Variants in WWP1 observed in about 807,000 individuals in gnomAD.
WWP1 encodes the protein WW domain containing E3 ubiquitin protein ligase 1, also known as NEDD4-like E3 ubiquitin-protein ligase WWP1.
In WWP1, 49 loss-of-function variants were observed where a neutral mutation model predicts 130.6. The ratio of observed to expected loss-of-function variants is 0.38; its 90% confidence interval spans 0.30 to 0.48. The LOEUF (loss-of-function observed/expected upper bound fraction) is 0.48, where lower values mean the gene tolerates loss of function less well. Ranked by LOEUF, WWP1 falls within the 20% of genes least tolerant of loss-of-function variation. The probability of loss-of-function intolerance (pLI) is 0.99; values close to 1 mark genes in which losing one functional copy is unlikely to be tolerated. For missense variants in WWP1, 809 were observed against 1,100.6 expected (o/e 0.74, Z 3.75); for synonymous variants, 332 against 367.8 (o/e 0.90, Z 1.11).
chr8:86,392,134 T>C (rs1444826068), intron 5 of WWP1, among the ~76,000 whole-genome samples: 14 of 152,148 alleles, frequency 9.2e-5, no homozygotes, highest in Non-Finnish European at 8.8e-5. Flanking sequence ...TCTTTTAGTG[T>C]GTGTGCAATG....
intron 18 of WWP1, among the ~76,000 whole-genome samples, chr8:86,447,119 C>A (rs979114158): frequency 6.6e-6 from 1 of 152,146 alleles, no homozygotes; most frequent in Non-Finnish European, 1.5e-5. Flanking sequence ...ATACAACTGT[C>A]GGTCATAGAG....
intron 3 of WWP1, among the ~76,000 whole-genome samples, chr8:86,380,159 G>T (rs1352633464): frequency 6.6e-6 from 1 of 152,100 alleles, no homozygotes; most frequent in Non-Finnish European, 1.5e-5. Flanking sequence ...TAATAGAATG[G>T]TATTTGGCAA....
At chr8:86,419,566 T>G (rs1052151425) in intron 9 of WWP1, among the ~76,000 whole-genome samples, 2 of 152,184 alleles carry the variant, frequency 1.3e-5, no homozygotes, top group African/African-American at 2.4e-5. Flanking sequence ...GAAATTTGAC[T>G]GATAAAGGTA....
chr8:86,412,329 A>T (rs1036319868), intron 9 of WWP1, among the ~76,000 whole-genome samples: 1 of 152,192 alleles, frequency 6.6e-6, no homozygotes, highest in Non-Finnish European at 1.5e-5. Flanking sequence ...GCAGTTTTTC[A>T]TTGCTGGTTA....
At chr8:86,465,567 A>C (rs571315335) in intron 24 of WWP1, among the ~76,000 whole-genome samples, 1 of 152,248 alleles carries the variant, frequency 6.6e-6, no homozygotes, top group South Asian at 2.1e-4. Context: ...TGGGAGGTCG[A>C]GGTCGCAGTG....
chr8:86,459,997 T>G (rs180730425), intron 22 of WWP1, among the ~76,000 whole-genome samples: 4 of 152,384 alleles, frequency 2.6e-5, no homozygotes, highest in Admixed American at 2.6e-4. Flanking sequence ...CTATTTTGTC[T>G]TATCCTTAGC....
intron 5 of WWP1, among the ~76,000 whole-genome samples, chr8:86,396,576 T>TC (rs1807681994): frequency 6.6e-6 from 1 of 151,826 alleles, no homozygotes. Context: ...TTTTTTTTTT[T>TC]TTTTGCAAAG....
At chr8:86,378,396 CTTAAGT>C (rs1824792262) in intron 3 of WWP1, among the ~76,000 whole-genome samples, 1 of 151,682 alleles carries the variant, frequency 6.6e-6, no homozygotes, top group African/African-American at 2.4e-5. Context: ...TTACTTATTT[CTTAAGT>C]TTATTACTAG....
intron 3 of WWP1, among the ~76,000 whole-genome samples, chr8:86,377,233 A>T (rs989906820): frequency 6.7e-6 from 1 of 149,832 alleles, no homozygotes; most frequent in African/African-American, 2.5e-5. Context: ...TTACAGGTGC[A>T]TGCCAGCATT....
At chr8:86,413,453 A>G (rs1159558969) in intron 9 of WWP1, among the ~76,000 whole-genome samples, 1 of 152,200 alleles carries the variant, frequency 6.6e-6, no homozygotes, top group Non-Finnish European at 1.5e-5. Flanking sequence ...TGCCAGAGGT[A>G]AGTTTAGGAT....
In WWP1 at chr8:86,448,413, T is replaced by C. The variant is rs754375920; in HGVS notation, c.2173T>C (p.Ser725Pro). Residue 725 changes from serine (S) to proline (P), a missense_variant, in exon 20 of 25, where the codon TCT becomes CCT. This residue lies in a region of WWP1 where 450 missense variants were observed against 674.2 expected (regional missense o/e 0.67). Coordinates refer to ENST00000517970, the MANE Select transcript of WWP1 (RefSeq NM_007013.4). ...AGAATGTGGCTTAGAAATGTACTTT[T>C]CTGTTGACATGGAGATTTTGGGAAA... ...IEECGLEMYF[S>P]VDMEILGKVT... 1.2e-6 allele frequency: 2 copies of C among 1,613,596 alleles called. No homozygotes were observed. Among genetic ancestry groups the C allele is most frequent in the African/African-American group, 2.7e-5 (2 of 74,916 alleles).
chr8:86,398,569 C>T lies in WWP1; in HGVS notation c.473-3C>T. The T allele has an allele frequency of 6.2e-7, 1 of 1,612,674 alleles. No individual in the cohort carries two copies. The highest frequency in any genetic ancestry group is 8.5e-7 in the Non-Finnish European group (1 of 1,179,580). On this transcript the variant is annotated splice_region_variant and splice_polypyrimidine_tract_variant and intron_variant, in intron 6 of 24. Coordinates refer to ENST00000517970, the MANE Select transcript of WWP1 (RefSeq NM_007013.4). The stretch of plus-strand genomic sequence containing the variant: ...CCTAGTTTTTTTCTTTCTTGTTGTT[C>T]AGTAGAAATACAGGAAAATGGTGAT...
intron 22 of WWP1, among the ~76,000 whole-genome samples, chr8:86,459,023 C>CTTTTTTTTTTTTTT (rs71275853): frequency 7.4e-4 from 62 of 84,260 alleles, no homozygotes; most frequent in Middle Eastern, 0.011. Flanking sequence ...TTTCTTTTTT[C>CTTTTTTTTTTTTTT]TTTTTTTTTT....
At chr8:86,435,361 T>C (rs1810233669) in intron 14 of WWP1, 91 bp from the exon 15 acceptor site, 2 of 1,326,878 alleles carry the variant, frequency 1.5e-6, no homozygotes, top group South Asian at 2.5e-5. Flanking sequence ...TGTGGTATTT[T>C]GTTGGACTTT....
At chr8:86,369,439 C>A (rs1353294340) in intron 2 of WWP1, among the ~76,000 whole-genome samples, 1 of 151,940 alleles carries the variant, frequency 6.6e-6, no homozygotes, top group Non-Finnish European at 1.5e-5. Flanking sequence ...GCTCTTGAGT[C>A]TGGGGATTGG....
At chr8:86,354,947 A>T (rs1182178203) in intron 1 of WWP1, among the ~76,000 whole-genome samples, 2 of 152,098 alleles carry the variant, frequency 1.3e-5, no homozygotes, top group African/African-American at 2.4e-5. Context: ...ACCTTTTTTT[A>T]AAAAAACCCT....
In WWP1 at chr8:86,399,258, A is replaced by T. The variant is rs138336642; in HGVS notation, c.539+620A>T. On this transcript the variant is annotated intron_variant, in intron 7 of 24. Transcript: ENST00000517970. Reference sequence around the variant, plus strand: ...GATTGGCATTATCCTGTAAATCATGAGAAGATAAATGCTTCACAGATTGTG... The same window carrying T: ...GATTGGCATTATCCTGTAAATCATGTGAAGATAAATGCTTCACAGATTGTG... Among the ~76,000 whole-genome samples the T allele has an allele frequency of 5.5e-3, 840 of 152,322 alleles. 11 individuals are homozygous for T. Among genetic ancestry groups the T allele is most frequent in the African/African-American group, 0.019 (774 of 41,576 alleles).
intron 1 of WWP1, among the ~76,000 whole-genome samples, chr8:86,360,872 A>G (rs891468455): frequency 2.0e-5 from 3 of 152,162 alleles, no homozygotes; most frequent in Non-Finnish European, 4.4e-5. Flanking sequence ...TTCTGAAGAG[A>G]TCATATATAA....
chr8:86,462,107 T>C (rs766854576), intron 24 of WWP1, among the ~76,000 whole-genome samples: 13 of 152,200 alleles, frequency 8.5e-5, no homozygotes, highest in Non-Finnish European at 1.6e-4. Context: ...AAGTATTCCC[T>C]GTTTTTTATG....
Sources: allele counts gnomAD v4.1 joint callset (sites outside exome capture counted in the v4.1 genomes callset), GRCh38; gene constraint gnomAD v4.1.1; regional missense constraint gnomAD v4.1.1; transcripts MANE v1.5; gene names NCBI Gene and HGNC (gene_info 2026-07-23, HGNC 2026-07-21).